Variants in PASD1 observed in about 807,000 individuals in gnomAD.
The protein encoded by PASD1 is PAS domain containing repressor 1.
In PASD1, 13 loss-of-function variants were observed where a neutral mutation model predicts 58.8. The observed-to-expected ratio is 0.22, with a 90% CI of 0.14 to 0.35. PASD1 has a LOEUF of 0.35. Among genes scored for constraint, PASD1 ranks in the 10% least tolerant of loss-of-function variants. The probability of loss-of-function intolerance (pLI) is 1.00; values close to 1 mark genes in which losing one functional copy is unlikely to be tolerated. For synonymous variants in PASD1, 236 were observed against 216.7 expected, an observed-to-expected ratio of 1.09 and a Z score of -0.78; for missense variants, 734 against 568.3, an observed-to-expected ratio of 1.29 and a Z score of -2.96.
In PASD1 at chrX:151,574,408, A is replaced by C. The variant is rs1463675709; in HGVS notation, c.-28+10569A>C. 2.7e-5 allele frequency among the ~76,000 whole-genome samples: 3 copies of C among 112,147 alleles called. No homozygotes were observed. The East Asian group carries it at 8.4e-4, about 31-fold the overall frequency. On this transcript the variant is annotated intron_variant, in intron 1 of 15. Transcript: ENST00000370357. ...CTGGGGGAGACAGACAAGGGGTCGA[A>C]TAGTGATCATACCTCTTAGAAAGTG...
chrX:151,607,821 A>G (rs2013506519), intron 3 of PASD1, among the ~76,000 whole-genome samples: 1 of 111,868 alleles, frequency 8.9e-6, no homozygotes, highest in Admixed American at 9.5e-5. Flanking sequence ...CTTTGGATGG[A>G]TACTGAAGCA....
At chrX:151,604,035 G>A (rs746128452) in intron 2 of PASD1, among the ~76,000 whole-genome samples, 1 of 111,418 alleles carries the variant, frequency 9.0e-6, no homozygotes, top group South Asian at 3.8e-4. Flanking sequence ...AGTTGGGGAG[G>A]TAGAGAGGAG....
At chrX:151,586,077 A>G (rs2013159884) in intron 1 of PASD1, among the ~76,000 whole-genome samples, 1 of 111,781 alleles carries the variant, frequency 8.9e-6, no homozygotes, top group African/African-American at 3.3e-5. Flanking sequence ...TGTACAACCC[A>G]GGAAAATGCT....
chrX:151,635,028 A>G (rs947845492), intron 8 of PASD1, among the ~76,000 whole-genome samples: 1 of 111,510 alleles, frequency 9.0e-6, no homozygotes, highest in African/African-American at 3.3e-5. Flanking sequence ...CATTAATTGA[A>G]TCGTTATTTA....
At chrX:151,642,589 T>A (rs2014011269) in intron 8 of PASD1, among the ~76,000 whole-genome samples, 1 of 112,167 alleles carries the variant, frequency 8.9e-6, no homozygotes, top group East Asian at 2.8e-4. Flanking sequence ...TAATACACTT[T>A]TAAAGAATGC....
chrX:151,572,883 TTAAC>T (rs1459151020), intron 1 of PASD1, among the ~76,000 whole-genome samples: 2 of 106,365 alleles, frequency 1.9e-5, no homozygotes, highest in Non-Finnish European at 3.9e-5. Context: ...AGAGATTTAA[TTAAC>T]TAACAGTTCT....
intron 8 of PASD1, among the ~76,000 whole-genome samples, chrX:151,648,225 G>A (rs1178943224): frequency 2.7e-5 from 3 of 110,480 alleles, no homozygotes; most frequent in South Asian, 4.0e-4. Flanking sequence ...AATGAGCCCC[G>A]AGAATGGAGA....
rs539300500 is a variant in PASD1, at chrX:151,620,258, G to C, written c.208-672G>C. On this transcript the variant is annotated intron_variant, in intron 4 of 15. Coordinates refer to ENST00000370357, the MANE Select transcript of PASD1 (RefSeq NM_173493.3). ...GAGAGGGAAAGAAAACTTGATGTGT[G>C]GGGTAGGGTGAGACTTTCTAGAACA... Among the ~76,000 whole-genome samples, 6 of 111,644 alleles carry C rather than the reference G, an allele frequency of 5.4e-5. No homozygotes were observed. The South Asian group carries it at 1.9e-3, about 35-fold the overall frequency.
At position 151,611,539 on chromosome X, in the gene PASD1, T is replaced by C. The variant is rs532452132; in HGVS notation, c.118-125T>C. The C allele has an allele frequency of 1.4e-3, 610 of 429,242 alleles. 7 individuals are homozygous for C. The South Asian group carries it at 0.029, about 20-fold the overall frequency. The allele number at this position is 429,242 out of a possible 1,213,427, so 35.4% of individuals were successfully genotyped here. On this transcript the variant is annotated intron_variant, in intron 3 of 15. Transcript: ENST00000370357. Reference sequence around the variant, plus strand: ...ATTTTAATTAAGTCTGTGCCTACTTTATTGATATTTAAGGACTGGGGTGCA... The same window carrying C: ...ATTTTAATTAAGTCTGTGCCTACTTCATTGATATTTAAGGACTGGGGTGCA...
At chrX:151,629,022 G>C (rs2013831966) in intron 8 of PASD1, among the ~76,000 whole-genome samples, 1 of 111,987 alleles carries the variant, frequency 8.9e-6, no homozygotes, top group Admixed American at 9.4e-5. Context: ...GAATGCTTGT[G>C]ATTTTTGCAT....
At chrX:151,644,454 T>C (rs2014034190) in intron 8 of PASD1, among the ~76,000 whole-genome samples, 1 of 112,191 alleles carries the variant, frequency 8.9e-6, no homozygotes, top group Non-Finnish European at 1.9e-5. Context: ...CTGCTCATCT[T>C]AACACTAGAG....
intron 9 of PASD1, among the ~76,000 whole-genome samples, chrX:151,653,916 T>TTCTG (rs1431785549): frequency 1.4e-5 from 1 of 72,299 alleles, no homozygotes. Flanking sequence ...CTTTCTTTCT[T>TTCTG]TCTTTCTTTC....
intron 1 of PASD1, among the ~76,000 whole-genome samples, chrX:151,599,615 A>T (rs1236488903): frequency 9.5e-6 from 1 of 104,967 alleles, no homozygotes; most frequent in Non-Finnish European, 2.0e-5. Context: ...GACACTCCTC[A>T]GTTCCCAGAT....
At chrX:151,600,582 A>T (rs1039715126) in intron 1 of PASD1, among the ~76,000 whole-genome samples, 1 of 109,984 alleles carries the variant, frequency 9.1e-6, no homozygotes, top group African/African-American at 3.3e-5. Context: ...TTTTTTTTTC[A>T]ATGTAATGTT....
intron 9 of PASD1, among the ~76,000 whole-genome samples, chrX:151,653,658 TC>T (rs2014164147): frequency 1.8e-5 from 1 of 56,348 alleles, no homozygotes; most frequent in Non-Finnish European, 3.1e-5. Context: ...GATGTTTTCT[TC>T]CTTCTTTCCT....
chrX:151,621,432 TG>T, intron 5 of PASD1, 49 bp from the exon 6 acceptor site: 1 of 925,394 alleles, frequency 1.1e-6, no homozygotes, highest in Non-Finnish European at 1.5e-6. Context: ...CAGTAGAATA[TG>T]GTAAAGTACA....
intron 8 of PASD1, among the ~76,000 whole-genome samples, chrX:151,646,556 A>C (rs2014062764): frequency 8.9e-6 from 1 of 112,016 alleles, no homozygotes; most frequent in African/African-American, 3.2e-5. Context: ...ATTTAGCCAC[A>C]TGTGTCTAGT....
intron 4 of PASD1, among the ~76,000 whole-genome samples, chrX:151,619,096 G>GGATTA (rs2013673163): frequency 2.7e-5 from 3 of 111,069 alleles, no homozygotes; most frequent in African/African-American, 9.8e-5. Flanking sequence ...TACGGCTACT[G>GGATTA]CAGTAATCCA....
intron 9 of PASD1, among the ~76,000 whole-genome samples, chrX:151,652,066 A>T (rs1387539538): frequency 8.9e-6 from 1 of 112,484 alleles, no homozygotes; most frequent in African/African-American, 3.2e-5. Context: ...GATTTATTGA[A>T]CAAGTATTTA....
Sources: allele counts gnomAD v4.1 joint callset (sites outside exome capture counted in the v4.1 genomes callset), GRCh38; gene constraint gnomAD v4.1.1; transcripts MANE v1.5; gene names NCBI Gene and HGNC (gene_info 2026-07-23, HGNC 2026-07-21).